The following MEIOC variants were observed in gnomAD, a reference collection of about 807,000 sequenced individuals.
The protein encoded by MEIOC is meiosis specific with coiled-coil domain.
In MEIOC, 9 loss-of-function variants were observed where a neutral mutation model predicts 85.3. That is an observed-to-expected ratio of 0.11 (90% CI 0.06 to 0.18). The LOEUF (loss-of-function observed/expected upper bound fraction) is 0.18. MEIOC is among the 10% of genes least tolerant of loss of function. The pLI, the probability that MEIOC is intolerant of heterozygous loss-of-function variation, is 1.00. For synonymous variants in MEIOC, 365 were observed against 393.7 expected (o/e 0.93, Z 0.86); for missense variants, 898 against 1,129.4 (o/e 0.80, Z 2.94).
intron 2 of MEIOC, among the ~76,000 whole-genome samples, chr17:44,660,216 C>CTTTTT (rs1971824939): frequency 2.0e-5 from 3 of 151,638 alleles, no homozygotes; most frequent in African/African-American, 7.2e-5. Flanking sequence ...ATATCTTTTC[C>CTTTTT]TTTTTTATTT....
intron 4 of MEIOC, among the ~76,000 whole-genome samples, 156 bp downstream of exon 4, chr17:44,665,644 G>A: frequency 6.6e-6 from 1 of 152,122 alleles, no homozygotes; most frequent in South Asian, 2.1e-4. Flanking sequence ...TTTTGCTGAA[G>A]TATTTGCTAT....
chr17:44,664,294 G>A (rs990892212), intron 3 of MEIOC, among the ~76,000 whole-genome samples: 1 of 152,090 alleles, frequency 6.6e-6, no homozygotes, highest in Non-Finnish European at 1.5e-5. Context: ...CCTGGGAGGC[G>A]AAGGTTGCAG....
intron 7 of MEIOC, 29 bp from the exon 8 acceptor site, chr17:44,673,947 T>A: frequency 6.5e-7 from 1 of 1,540,386 alleles, no homozygotes; most frequent in Admixed American, 2.0e-5. Context: ...GCATTTAATA[T>A]GAAATGACCC....
At chr17:44,657,090 A>G (rs780350816) in intron 1 of MEIOC, 37 bp from the exon 2 acceptor site, 1 of 1,532,986 alleles carries the variant, frequency 6.5e-7, no homozygotes, top group South Asian at 1.2e-5. Flanking sequence ...CACCCTCGTG[A>G]CCACTTTCTG....
In MEIOC at chr17:44,656,670, G is replaced by T; in HGVS notation, c.57G>T (p.Glu19Asp). ...GCCCTCACCCCTCAGGCCTGAGGGA[G>T]GAAGGACTTGAGGTAATGGATGAGG... is the stretch of plus-strand genomic sequence containing the variant. The part of the protein sequence containing the change: ...CPRPHPSGLR[E>D]EGLEPKVAFP... Residue 19 changes from glutamate (E) to aspartate (D), a missense_variant, in exon 1 of 8, where the codon GAG (glutamate) becomes GAT (aspartate). Physicochemically the swap from Glu to Asp is conservative, Grantham distance 45. Around this residue, in one of 2 missense-constraint regions of MEIOC, gnomAD observed 734 missense variants for 860.1 expected, o/e 0.85. Transcript: ENST00000409122. 6.7e-7 allele frequency: 1 copy of T among 1,492,562 alleles called. No individual in the cohort carries two copies. The allele number at this position is 1,492,562 out of a possible 1,614,324, so 92.5% of individuals were successfully genotyped here.
chr17:44,667,427 G>C lies in MEIOC; in HGVS notation c.1516G>C (p.Ala506Pro). Residue 506 changes from alanine to proline, a missense_variant, in exon 5 of 8, where the codon GCA becomes CCA. By Grantham distance (27) the Ala-to-Pro change is conservative. Around this residue, in one of 2 missense-constraint regions of MEIOC, gnomAD observed 734 missense variants for 860.1 expected, o/e 0.85. Transcript: ENST00000409122. ...NLMKLNSHLS[A>P]ASKGSNHSSD... ...GATGAAATTAAATAGTCATTTAAGT[G>C]CAGCTTCAAAAGGTTCTAACCATTC... The C allele has an allele frequency of 6.2e-7, 1 of 1,613,658 alleles. No individual in the cohort carries two copies. Among genetic ancestry groups the C allele is most frequent in the Non-Finnish European group, 8.5e-7 (1 of 1,179,736 alleles).
Position 44,674,168 on chromosome 17 carries a change from A to C in MEIOC, c.2831A>C (p.Asn944Thr). The C allele has an allele frequency of 6.4e-7, 1 of 1,551,534 alleles. No homozygotes were observed. The highest frequency in any genetic ancestry group is 8.7e-7 in the Non-Finnish European group (1 of 1,146,886). The change falls in exon 8 of 8, where the codon AAC becomes ACC. Residue 944 changes from asparagine (N) to threonine (T), a missense_variant. By Grantham distance (65) the Asn-to-Thr change is moderately conservative (BLOSUM62 0). This residue lies in a region of MEIOC where 164 missense variants were observed against 269.2 expected (regional missense o/e 0.61). Coordinates refer to ENST00000409122, the MANE Select transcript of MEIOC (RefSeq NM_001145080.3). ...HESINSSNPM[N>T]QRGETNKH is the part of the protein sequence containing the mutation. ...AGCATAAATAGTAGCAATCCAATGA[A>C]CCAGAGAGGTGAAACAAACAAACAT...
chr17:44,673,061 C>G (rs896549414), intron 6 of MEIOC: 5 of 248,716 alleles, frequency 2.0e-5, no homozygotes, highest in Non-Finnish European at 3.8e-5. Flanking sequence ...TCTTATTTGT[C>G]AAAAACAGTA....
chr17:44,660,282 C>T (rs1238527563), intron 2 of MEIOC, among the ~76,000 whole-genome samples: 1 of 151,216 alleles, frequency 6.6e-6, no homozygotes, highest in Non-Finnish European at 1.5e-5. Context: ...CCTCTGTTGC[C>T]CAGGCTGGAG....
At position 44,675,358 on chromosome 17, in the gene MEIOC, G is replaced by C; in HGVS notation, c.*1162G>C. ...AGTAATTTATTCGTTAATATGAAAT[G>C]TTGGTATTATGTGACTCAGAAGATC... is the stretch of plus-strand genomic sequence containing the variant. On this transcript the variant is annotated 3_prime_UTR_variant, in exon 8 of 8. Transcript: ENST00000409122. The C allele has an allele frequency of 1.0e-6, 1 of 968,430 alleles. No individual in the cohort carries two copies. The highest frequency in any genetic ancestry group is 1.2e-6 in the Non-Finnish European group (1 of 814,570). The allele number at this position is 968,430 out of a possible 1,614,324, so 60.0% of individuals were successfully genotyped here.
chr17:44,675,194 TCTAA>T lies in MEIOC; in HGVS notation c.*1002_*1005del, dbSNP rs1338275227. The T allele has an allele frequency of 1.2e-5, 12 of 985,348 alleles. No homozygotes were observed. The South Asian group carries it at 1.4e-4, about 12-fold the overall frequency. 61.0% of individuals were successfully genotyped at this position (985,348 alleles called of 1,614,324 possible). A position where few individuals can be genotyped will look rare whatever the true frequency, so the allele number is the denominator to read the frequency against. On this transcript the variant is annotated 3_prime_UTR_variant, in exon 8 of 8. Transcript: ENST00000409122. ...AAAATGTATTTTTTAAAGGTTAATC[TCTAA>T]CTAGTTTAGCTTGCAATTGGTTAGC...
At chr17:44,664,546 A>C (rs1971881648) in intron 3 of MEIOC, among the ~76,000 whole-genome samples, 1 of 152,166 alleles carries the variant, frequency 6.6e-6, no homozygotes, top group South Asian at 2.1e-4. Context: ...GTTCAACCAA[A>C]TATACAAGTA....
intron 7 of MEIOC, 42 bp downstream of exon 7, chr17:44,673,588 T>A: frequency 7.1e-7 from 1 of 1,414,926 alleles, no homozygotes; most frequent in Non-Finnish European, 9.5e-7. Context: ...GTCAGTGTGA[T>A]AATTTAGGTA....
intron 7 of MEIOC, 133 bp downstream of exon 7, chr17:44,673,679 TCCA>T (rs1461334546): frequency 2.3e-5 from 19 of 813,168 alleles, no homozygotes; most frequent in Non-Finnish European, 3.4e-5. Context: ...GTAAATAATC[TCCA>T]CATTATTTAC....
In MEIOC at chr17:44,656,570, C is replaced by T. The variant is rs759176747; in HGVS notation, c.-44C>T. 5.4e-5 allele frequency: 75 copies of T among 1,398,650 alleles called. No individual in the cohort carries two copies. The highest frequency in any genetic ancestry group is 5.3e-4 in the South Asian group (35 of 66,258). 86.6% of individuals were successfully genotyped at this position (1,398,650 alleles called of 1,614,324 possible). ...GGACGCCCCCCCCATCACCCCCGTA[C>T]CCCAGGAGCTGTGCCTAGTCCAGGA... On this transcript the variant is annotated 5_prime_UTR_variant, in exon 1 of 8. Coordinates refer to ENST00000409122, the MANE Select transcript of MEIOC (RefSeq NM_001145080.3).
chr17:44,671,655 C>T (rs1008417450), intron 6 of MEIOC, among the ~76,000 whole-genome samples: 2 of 151,920 alleles, frequency 1.3e-5, no homozygotes, highest in African/African-American at 4.8e-5. Context: ...GCCTGTAATC[C>T]CAGCACTTTG....
chr17:44,668,870 T>C (rs1047410972), intron 5 of MEIOC, among the ~76,000 whole-genome samples: 1 of 152,198 alleles, frequency 6.6e-6, no homozygotes, highest in African/African-American at 2.4e-5. Context: ...CTTTGAATTT[T>C]GTAGTGTTAA....
At position 44,668,083 on chromosome 17, in the gene MEIOC, G is replaced by T. The variant is rs374249223; in HGVS notation, c.2172G>T (p.Met724Ile). ...GCCATTTGTACCCTTATTTTAATAT[G>T]ATGTATGGTGATAATTCTTTTTCTG... ...DLSHLYPYFN[M>I]MYGDNSFSGL... is the part of the protein sequence containing the mutation. Residue 724 changes from methionine (M) to isoleucine (I), a missense_variant, in exon 5 of 8, where the codon ATG becomes ATT. Transcript: ENST00000409122. The T allele has an allele frequency of 2.5e-6, 4 of 1,613,344 alleles. No homozygotes were observed. Among genetic ancestry groups the T allele is most frequent in the Non-Finnish European group, 3.4e-6 (4 of 1,179,584 alleles).
At chr17:44,677,048 C>T (rs141182613), downstream of MEIOC, 212 of 692,208 alleles carry the variant, frequency 3.1e-4, no homozygotes, top group African/African-American at 3.6e-3. Context: ...TTCAGGGGAC[C>T]GTGGATATAA....
Sources: gnomAD v4.1 joint callset for allele counts (sites outside exome capture counted in the v4.1 genomes callset) on GRCh38, gnomAD v4.1.1 for gene constraint, gnomAD v4.1.1 regional missense constraint, MANE v1.5 for transcripts, NCBI Gene and HGNC (gene_info 2026-07-23, HGNC 2026-07-21) for gene names.